Variants in SULT1B1 observed in about 807,000 individuals in gnomAD.
The protein encoded by SULT1B1 is sulfotransferase 1B1.
In SULT1B1, 28 loss-of-function variants were observed where a neutral mutation model predicts 34.6. That is an observed-to-expected ratio of 0.81 (90% CI 0.60 to 1.11). The LOEUF (loss-of-function observed/expected upper bound fraction) is 1.11. Among genes scored for constraint, SULT1B1 ranks in the 50% least tolerant of loss-of-function variants. The probability of loss-of-function intolerance (pLI) is 0.00; values close to 1 mark genes in which losing one functional copy is unlikely to be tolerated. For synonymous variants in SULT1B1, 147 were observed against 110.2 expected (o/e 1.33, Z -2.09); for missense variants, 374 against 352.2 (o/e 1.06, Z -0.50).
At position 69,754,716 on chromosome 4, in the gene SULT1B1, T is replaced by C. The variant is rs1444679246; in HGVS notation, c.231A>G (p.Glu77=). The C allele has an allele frequency of 6.2e-7, 1 of 1,613,450 alleles. No individual in the cohort carries two copies. Among genetic ancestry groups the C allele is most frequent in the Admixed American group, 1.7e-5 (1 of 59,988 alleles). The change falls in exon 3 of 8, where the codon GAA becomes GAG. Residue 77 remains glutamate (E), a synonymous_variant. Coordinates refer to ENST00000310613, the MANE Select transcript of SULT1B1 (RefSeq NM_014465.4). ...IEKCKRGFIT[E]KVPMLEMTLP... ...GAGTCATTTCCAACATTGGAACTTT[T>C]TCAGTAATAAAACCTCGCTTACATT...
At chr4:69,728,635 GGGAA>G (rs55722168) in intron 7 of SULT1B1, among the ~76,000 whole-genome samples, 2 of 151,466 alleles carry the variant, frequency 1.3e-5, no homozygotes, top group African/African-American at 2.4e-5. Context: ...GGATACATCA[GGGAA>G]GGAAGGAAGG....
At chr4:69,758,957 C>T (rs1719295026) in intron 1 of SULT1B1, among the ~76,000 whole-genome samples, 1 of 152,162 alleles carries the variant, frequency 6.6e-6, no homozygotes, top group South Asian at 2.1e-4. Context: ...CAGGTTTCAA[C>T]CCAGAATCAG....
At chr4:69,749,593 A>G in intron 4 of SULT1B1, 128 bp downstream of exon 4, 1 of 542,562 alleles carries the variant, frequency 1.8e-6, no homozygotes, top group Non-Finnish European at 3.3e-6. Context: ...GTACAACGTG[A>G]GTGGGTATAG....
chr4:69,759,811 T>C (rs1014383233), intron 1 of SULT1B1, among the ~76,000 whole-genome samples: 4 of 152,214 alleles, frequency 2.6e-5, no homozygotes, highest in African/African-American at 9.6e-5. Context: ...ACATGGGATC[T>C]CAAGACTTCC....
intron 3 of SULT1B1, among the ~76,000 whole-genome samples, chr4:69,750,269 T>G (rs530947324): frequency 1.7e-4 from 26 of 152,316 alleles, no homozygotes; most frequent in African/African-American, 5.1e-4. Flanking sequence ...GTAGCATAGA[T>G]GATGTTAACT....
At chr4:69,739,440 C>A (rs940054413) in intron 4 of SULT1B1, among the ~76,000 whole-genome samples, 1 of 152,206 alleles carries the variant, frequency 6.6e-6, no homozygotes, top group African/African-American at 2.4e-5. Context: ...GGGCTTGCAC[C>A]CTCAGAATCC....
rs1205467933 is a variant in SULT1B1 at position 69,725,573 on chromosome 4, T to C, written c.*1515A>G. On this transcript the variant is annotated 3_prime_UTR_variant, in exon 8 of 8. Transcript: ENST00000310613. ...GCTGCTATAAAGACACATGCACACG[T>C]ATATTTATTGCGGCACTATTCACAA... 1 of 152,150 alleles carries C rather than the reference T, an allele frequency of 6.6e-6. No individual in the cohort carries two copies. The highest frequency in any genetic ancestry group is 2.4e-5 in the African/African-American group (1 of 41,430). 9.4% of individuals were successfully genotyped at this position (152,150 alleles called of 1,614,324 possible).
At chr4:69,755,378 A>C in intron 1 of SULT1B1, 117 bp from the exon 2 acceptor site, 3 of 699,538 alleles carry the variant, frequency 4.3e-6, no homozygotes, top group Non-Finnish European at 6.9e-6. Flanking sequence ...TGGAGATCTA[A>C]GTACAAAGGG....
rs1473227590 is a variant in SULT1B1, at chr4:69,724,117, T to C, written c.*2971A>G. The C allele has an allele frequency of 6.6e-6, 1 of 152,202 alleles. No homozygotes were observed. The highest frequency in any genetic ancestry group is 1.5e-5 in the Non-Finnish European group (1 of 68,034). The allele number at this position is 152,202 out of a possible 1,614,324, so 9.4% of individuals were successfully genotyped here. On this transcript the variant is annotated 3_prime_UTR_variant, in exon 8 of 8. Coordinates refer to ENST00000310613, the MANE Select transcript of SULT1B1 (RefSeq NM_014465.4). Reference sequence around the variant, plus strand: ...TTTGCAGATGACATGATTGTATATGTAGAAAACCCCATTGTCTCAGCCCAA... The same window carrying C: ...TTTGCAGATGACATGATTGTATATGCAGAAAACCCCATTGTCTCAGCCCAA...
chr4:69,737,097 A>G (rs1282693943), intron 4 of SULT1B1, among the ~76,000 whole-genome samples: 2 of 152,150 alleles, frequency 1.3e-5, no homozygotes, highest in Non-Finnish European at 2.9e-5. Context: ...CTCTTAGAAA[A>G]AAAAGCCAGA....
At chr4:69,744,416 A>C (rs1718672436) in intron 4 of SULT1B1, among the ~76,000 whole-genome samples, 1 of 152,118 alleles carries the variant, frequency 6.6e-6, no homozygotes, top group Admixed American at 6.5e-5. Flanking sequence ...CTATGGGGTC[A>C]TGGGGCACAG....
At chr4:69,735,174 A>G (rs566207511) in intron 4 of SULT1B1, among the ~76,000 whole-genome samples, 1 of 152,272 alleles carries the variant, frequency 6.6e-6, no homozygotes, top group South Asian at 2.1e-4. Flanking sequence ...CAATGATACA[A>G]GAACTCCAAA....
intron 4 of SULT1B1, among the ~76,000 whole-genome samples, chr4:69,749,482 G>A (rs186709151): frequency 6.6e-6 from 1 of 152,234 alleles, no homozygotes; most frequent in African/African-American, 2.4e-5. Flanking sequence ...GGAAAAAAAA[G>A]TAGTAATATT....
chr4:69,742,695 G>A (rs890591881), intron 4 of SULT1B1, among the ~76,000 whole-genome samples: 3 of 152,206 alleles, frequency 2.0e-5, no homozygotes, highest in Admixed American at 6.5e-5. Context: ...GGCTTGCTCC[G>A]ATCACTCAGC....
chr4:69,722,394 C>T lies in SULT1B1; in HGVS notation c.*4694G>A, dbSNP rs567759457. On this transcript the variant is annotated 3_prime_UTR_variant, in exon 8 of 8. Transcript: ENST00000310613. ...GTAATAGACCATAGTATCAGAAATC[C>T]GTATATATTCAGGCCACATTAACTT... The T allele has an allele frequency of 2.6e-5, 4 of 151,968 alleles. No individual in the cohort carries two copies. The highest frequency in any genetic ancestry group is 1.9e-4 in the East Asian group (1 of 5,172). 9.4% of individuals were successfully genotyped at this position (151,968 alleles called of 1,614,324 possible).
In SULT1B1 at chr4:69,754,670, C is replaced by A. The variant is rs923654905; in HGVS notation, c.277G>T (p.Gly93Cys). 1 of 1,611,516 alleles carries A rather than the reference C, an allele frequency of 6.2e-7. No individual in the cohort carries two copies. Among genetic ancestry groups the A allele is most frequent in the Non-Finnish European group, 8.5e-7 (1 of 1,178,818 alleles). Residue 93 changes from glycine (G) to cysteine (C), a missense_variant and splice_region_variant, in exon 3 of 8, where the codon GGT becomes TGT. Physicochemically the swap from Gly to Cys is radical, Grantham distance 159 (BLOSUM62 -3). Coordinates refer to ENST00000310613, the MANE Select transcript of SULT1B1 (RefSeq NM_014465.4). ...EMTLPGLRTS[G>C]IEQLEKNPSP... Reference sequence around the variant, plus strand: ...ATAATTCCAAGTGGGTTAAATTTACCTGATGTTCTTAATCCAGGGAGAGTC... The same window carrying A: ...ATAATTCCAAGTGGGTTAAATTTACATGATGTTCTTAATCCAGGGAGAGTC...
chr4:69,750,273 G>A (rs1046901936), intron 3 of SULT1B1, among the ~76,000 whole-genome samples: 2 of 152,086 alleles, frequency 1.3e-5, no homozygotes, highest in South Asian at 4.1e-4. Context: ...CATAGATGAT[G>A]TTAACTTTGT....
intron 4 of SULT1B1, among the ~76,000 whole-genome samples, chr4:69,740,035 C>T (rs1718479847): frequency 6.6e-6 from 1 of 152,172 alleles, no homozygotes; most frequent in African/African-American, 2.4e-5. Flanking sequence ...CCACATCTTC[C>T]AGTGTTCTGA....
intron 1 of SULT1B1, among the ~76,000 whole-genome samples, chr4:69,755,473 T>C (rs1719154400): frequency 6.6e-6 from 1 of 152,114 alleles, no homozygotes; most frequent in Non-Finnish European, 1.5e-5. Flanking sequence ...CTAGTGGAAG[T>C]TTTGGAAAGA....
Sources: gnomAD v4.1 joint callset for allele counts (sites outside exome capture counted in the v4.1 genomes callset) on GRCh38, gnomAD v4.1.1 for gene constraint, MANE v1.5 for transcripts, NCBI Gene and HGNC (gene_info 2026-07-23, HGNC 2026-07-21) for gene names.